The following VPS33A variants were observed in gnomAD, a reference collection of about 807,000 sequenced individuals.
VPS33A encodes vacuolar protein sorting-associated protein 33A.
In VPS33A, 32 loss-of-function variants were observed where a neutral mutation model predicts 71.8. The ratio of observed to expected loss-of-function variants is 0.45; its 90% CI spans 0.34 to 0.60. VPS33A has a LOEUF of 0.60. Among genes scored for constraint, VPS33A ranks in the 20% least tolerant of loss-of-function variants. The pLI is 0.02. For missense variants in VPS33A, 625 were observed against 748.5 expected, an observed-to-expected ratio of 0.84 and a Z score of 1.92; for synonymous variants, 311 against 292.7, an observed-to-expected ratio of 1.06 and a Z score of -0.64.
intron 5 of VPS33A, 136 bp from the exon 6 acceptor site, chr12:122,250,181 G>A: frequency 2.1e-6 from 2 of 971,094 alleles, no homozygotes; most frequent in East Asian, 2.7e-5. Flanking sequence ...GAAATAAGCA[G>A]CTCTAGAAAA....
intron 7 of VPS33A, 101 bp from the exon 8 acceptor site, chr12:122,242,609 G>C (rs1954730412): frequency 7.1e-7 from 1 of 1,412,874 alleles, no homozygotes; most frequent in Non-Finnish European, 9.4e-7. Flanking sequence ...CTGGAGTGCA[G>C]TGGCGCAATC....
chr12:122,252,768 T>C (rs1019866236), intron 4 of VPS33A: 13 of 152,172 alleles, frequency 8.5e-5, no homozygotes, highest in African/African-American at 3.1e-4. Context: ...AATTTATTCA[T>C]ATGTAGAAGG....
Position 122,231,073 on chromosome 12 carries a change from C to T in VPS33A, c.*1173G>A, listed in dbSNP as rs73421719. ...CAGATGCTGAAGAAGCAAGAGTTGC[C>T]CCTGCTCACTGTGGGACCAGTTGGA... On this transcript the variant is annotated 3_prime_UTR_variant, in exon 13 of 13. Transcript: ENST00000267199. 4,441 of 152,348 alleles carry T rather than the reference C, an allele frequency of 0.029. 164 individuals carry two copies. The highest frequency in any genetic ancestry group is 0.079 in the African/African-American group (3,284 of 41,524). The allele number at this position is 152,348 out of a possible 1,614,324, so 9.4% of individuals were successfully genotyped here.
chr12:122,264,044 C>G, intron 2 of VPS33A, 90 bp downstream of exon 2: 1 of 1,194,954 alleles, frequency 8.4e-7, no homozygotes, highest in Non-Finnish European at 1.2e-6. Flanking sequence ...CTTTGCAAAC[C>G]AATGATTCAG....
chr12:122,253,168 C>T (rs1242805893), intron 4 of VPS33A: 1 of 151,978 alleles, frequency 6.6e-6, no homozygotes, highest in Admixed American at 6.6e-5. Context: ...TTTAACGTTT[C>T]CCTGAATATG....
chr12:122,264,448 T>C (rs2136155031), intron 1 of VPS33A, among the ~76,000 whole-genome samples: 1 of 152,268 alleles, frequency 6.6e-6, no homozygotes, highest in Admixed American at 6.5e-5. Flanking sequence ...TAGCGTGCAG[T>C]GGTGTGATAT....
intron 3 of VPS33A, among the ~76,000 whole-genome samples, chr12:122,262,178 G>A (rs935258736): frequency 1.6e-4 from 24 of 152,096 alleles, no homozygotes; most frequent in Admixed American, 1.4e-3. Context: ...GCAACAGAGT[G>A]AGACTGTGTC....
chr12:122,247,538 CTT>C (rs1954791308), intron 6 of VPS33A, among the ~76,000 whole-genome samples: 1 of 152,146 alleles, frequency 6.6e-6, no homozygotes, highest in South Asian at 2.1e-4. Flanking sequence ...TTTTTACAAT[CTT>C]ATCACTAAAG....
In VPS33A at chr12:122,266,490, C is replaced by CA. The variant is rs1955075583; in HGVS notation, c.-83dup. ...AGGACCACGGACGCAGTCACGTGAC[C>CA]AAACGTCCACGTGACCGGTACGGCA... On this transcript the variant is annotated 5_prime_UTR_variant, in exon 1 of 13. Transcript: ENST00000267199. The CA allele has an allele frequency of 1.3e-6, 2 of 1,543,298 alleles. No individual in the cohort carries two copies. Among genetic ancestry groups the CA allele is most frequent in the East Asian group, 4.9e-5 (2 of 41,224 alleles).
chr12:122,242,329 G>A (rs200005421), intron 8 of VPS33A, 53 bp downstream of exon 8: 11 of 1,590,542 alleles, frequency 6.9e-6, no homozygotes, highest in Middle Eastern at 1.7e-4. Flanking sequence ...GGTGTCAAAC[G>A]TTGTATGTGC....
At chr12:122,235,743 A>C in intron 11 of VPS33A, 43 bp downstream of exon 11, 1 of 1,576,482 alleles carries the variant, frequency 6.3e-7, no homozygotes, top group Non-Finnish European at 8.6e-7. Flanking sequence ...TGGACGATCT[A>C]ACCAGTCCCT....
chr12:122,263,515 A>C, intron 3 of VPS33A, 57 bp downstream of exon 3: 1 of 1,506,018 alleles, frequency 6.6e-7, no homozygotes, highest in Non-Finnish European at 8.9e-7. Flanking sequence ...GGAGCTCATA[A>C]ATTAAAAGCA....
At chr12:122,235,452 A>G (rs1294397992) in intron 11 of VPS33A, among the ~76,000 whole-genome samples, 2 of 151,882 alleles carry the variant, frequency 1.3e-5, no homozygotes, top group African/African-American at 4.8e-5. Context: ...TTTAGTAGAG[A>G]TGGGGTTTCC....
At chr12:122,243,518 C>T (rs1186050239) in intron 7 of VPS33A, among the ~76,000 whole-genome samples, 1 of 152,234 alleles carries the variant, frequency 6.6e-6, no homozygotes, top group Non-Finnish European at 1.5e-5. Flanking sequence ...GGATGACAGG[C>T]GTGAGCCACT....
chr12:122,265,374 C>T (rs1955053740), intron 1 of VPS33A, among the ~76,000 whole-genome samples: 1 of 152,100 alleles, frequency 6.6e-6, no homozygotes, highest in South Asian at 2.1e-4. Context: ...ATGAGTATTT[C>T]TACCGCTAAA....
At chr12:122,263,374 T>C (rs1955024192) in intron 3 of VPS33A, among the ~76,000 whole-genome samples, 198 bp downstream of exon 3, 2 of 152,180 alleles carry the variant, frequency 1.3e-5, no homozygotes. Context: ...TCTTATTCTA[T>C]TTTTTGTTGT....
intron 6 of VPS33A, chr12:122,248,387 T>G (rs1954803630): frequency 6.6e-6 from 1 of 152,246 alleles, no homozygotes; most frequent in East Asian, 1.9e-4. Context: ...TGGCCACCAG[T>G]GGGAGCATGG....
chr12:122,253,791 G>A (rs1942535441), intron 4 of VPS33A, among the ~76,000 whole-genome samples: 3 of 151,864 alleles, frequency 2.0e-5, no homozygotes, highest in African/African-American at 2.4e-5. Context: ...TACACCTCCC[G>A]AGTTCAAGTG....
At chr12:122,245,443 GT>G (rs757738399) in intron 6 of VPS33A, among the ~76,000 whole-genome samples, 121 of 133,198 alleles carry the variant, frequency 9.1e-4, no homozygotes, top group South Asian at 1.7e-3. Context: ...TTCACGTTCT[GT>G]TTTTTTTTTT....
Sources: allele counts gnomAD v4.1 joint callset (sites outside exome capture counted in the v4.1 genomes callset), GRCh38; gene constraint gnomAD v4.1.1; transcripts MANE v1.5; gene names NCBI Gene and HGNC (gene_info 2026-07-23, HGNC 2026-07-21).